EYS: variants seen among roughly 807,000 people sequenced by gnomAD.
EYS encodes protein eyes shut homolog.
EYS carries 250 observed loss-of-function variants against 282.1 expected under a neutral mutation model. The observed-to-expected ratio is 0.89, with a 90% CI of 0.80 to 0.98. The LOEUF (loss-of-function observed/expected upper bound fraction) is 0.98, where lower values mean the gene tolerates loss of function less well. EYS is among the 50% of genes least tolerant of loss of function. The pLI is 0.00. For missense variants in EYS, 4,016 were observed against 3,709.0 expected (o/e 1.08, Z -2.15); for synonymous variants, 1,355 against 1,282.9 (o/e 1.06, Z -1.20).
chr6:63,815,601 A>G (rs1220732852), intron 36 of EYS, among the ~76,000 whole-genome samples: 2 of 152,192 alleles, frequency 1.3e-5, no homozygotes, highest in African/African-American at 4.8e-5. Context: ...ATGTAAACAC[A>G]TATTAACTAC....
intron 13 of EYS, among the ~76,000 whole-genome samples, chr6:65,045,376 A>C (rs1773071459): frequency 1.3e-5 from 2 of 151,844 alleles, no homozygotes; most frequent in African/African-American, 4.8e-5. Context: ...CTATAGTCTG[A>C]ATGCTTGTAA....
intron 29 of EYS, among the ~76,000 whole-genome samples, chr6:64,385,875 G>A (rs930456780): frequency 5.9e-5 from 9 of 152,040 alleles, no homozygotes; most frequent in African/African-American, 2.2e-4. Flanking sequence ...TTCCATCTTT[G>A]GTTCTTGTGA....
At chr6:64,686,773 A>G (rs1424730000) in intron 22 of EYS, among the ~76,000 whole-genome samples, 154 of 8,926 alleles carry the variant, frequency 0.017, 9 homozygotes, top group Non-Finnish European at 0.096. Context: ...GTGTGTATAT[A>G]TATATATATA....
At chr6:65,680,635 A>G (rs1289186402) in intron 1 of EYS, among the ~76,000 whole-genome samples, 3 of 151,994 alleles carry the variant, frequency 2.0e-5, no homozygotes, top group Non-Finnish European at 4.4e-5. Flanking sequence ...AAAGACTGCA[A>G]TTTGTTTAGG....
chr6:65,484,080 T>C (rs1481063115), intron 5 of EYS, among the ~76,000 whole-genome samples: 1 of 152,122 alleles, frequency 6.6e-6, no homozygotes, highest in Non-Finnish European at 1.5e-5. Context: ...TTATACATCT[T>C]TTAAATGTGA....
rs377218629 is a variant in EYS, at chr6:64,133,842, C to CTT, written c.6425-51842_6425-51841dup. 4.6e-3 allele frequency among the ~76,000 whole-genome samples: 681 copies of CTT among 146,862 alleles called. 5 individuals carry two copies. The highest frequency in any genetic ancestry group is 0.016 in the African/African-American group (651 of 40,294). Reference sequence around the variant, plus strand: ...CTATTTTCCTGGATTCCATATCTTTCTTTTTTTTTTTCTTTCTCTTTCCTG... The same window carrying CTT: ...CTATTTTCCTGGATTCCATATCTTTCTTTTTTTTTTTTTCTTTCTCTTTCCTG... On this transcript the variant is annotated intron_variant, in intron 31 of 42. Transcript: ENST00000503581.
At chr6:64,707,535 G>A (rs1461542636) in intron 22 of EYS, among the ~76,000 whole-genome samples, 2 of 152,022 alleles carry the variant, frequency 1.3e-5, no homozygotes, top group African/African-American at 2.4e-5. Flanking sequence ...CGGGCGTGGT[G>A]GCGGGCGCCT....
At chr6:65,048,478 T>C (rs1278050340) in intron 13 of EYS, among the ~76,000 whole-genome samples, 1 of 151,914 alleles carries the variant, frequency 6.6e-6, no homozygotes, top group African/African-American at 2.4e-5. Flanking sequence ...TCATTGTGTG[T>C]TCCTTTCCCG....
chr6:64,699,350 G>A (rs1484082160), intron 22 of EYS, among the ~76,000 whole-genome samples: 2 of 152,026 alleles, frequency 1.3e-5, no homozygotes, highest in Non-Finnish European at 2.9e-5. Flanking sequence ...GCAGACAGTG[G>A]AGCAGAAAAG....
intron 12 of EYS, among the ~76,000 whole-genome samples, chr6:65,153,180 A>T (rs146633496): frequency 6.6e-6 from 1 of 151,930 alleles, no homozygotes; most frequent in Non-Finnish European, 1.5e-5. Context: ...ATTATAAGCC[A>T]CCATATGGGA....
In EYS at chr6:65,383,098, T is replaced by C. The variant is rs562726261; in HGVS notation, c.1299+1288A>G. Among the ~76,000 whole-genome samples the C allele has an allele frequency of 1.0e-3, 154 of 152,192 alleles. 4 individuals are homozygous for C. The South Asian group carries it at 0.03, about 30-fold the overall frequency. ...CTATTTGAAGTCCTTTGACGTTTCA[T>C]ATCAGTTTTATAATCAGCTTACCCA... is the stretch of plus-strand genomic sequence containing the variant. On this transcript the variant is annotated intron_variant, in intron 8 of 42. Coordinates refer to ENST00000503581, the MANE Select transcript of EYS (RefSeq NM_001142800.2).
intron 12 of EYS, among the ~76,000 whole-genome samples, chr6:65,076,775 C>T (rs1191509932): frequency 6.6e-6 from 1 of 151,756 alleles, no homozygotes; most frequent in Non-Finnish European, 1.5e-5. Context: ...CTTCTACTAT[C>T]AGGGATCTGG....
intron 35 of EYS, among the ~76,000 whole-genome samples, chr6:63,885,728 T>C (rs954865098): frequency 2.0e-5 from 3 of 152,174 alleles, no homozygotes; most frequent in African/African-American, 7.2e-5. Context: ...AGTTCCTAGA[T>C]TAGAGATACA....
intron 19 of EYS, among the ~76,000 whole-genome samples, chr6:64,852,661 A>G (rs1562225886): frequency 6.6e-6 from 1 of 152,174 alleles, no homozygotes; most frequent in Non-Finnish European, 1.5e-5. Flanking sequence ...TCATAAGTCC[A>G]TTGACTGATG....
chr6:64,851,882 C>A (rs1177083485), intron 19 of EYS, among the ~76,000 whole-genome samples: 1 of 151,860 alleles, frequency 6.6e-6, no homozygotes, highest in African/African-American at 2.4e-5. Context: ...GTACAAGAAA[C>A]CCCCATGACA....
intron 33 of EYS, among the ~76,000 whole-genome samples, chr6:64,036,076 TAA>T (rs1442966496): frequency 1.3e-5 from 2 of 152,242 alleles, no homozygotes; most frequent in African/African-American, 4.8e-5. Context: ...AGTAATCTTC[TAA>T]GAGATCTTAT....
At chr6:65,087,970 G>T (rs1189196237) in intron 12 of EYS, among the ~76,000 whole-genome samples, 2 of 152,086 alleles carry the variant, frequency 1.3e-5, no homozygotes, top group Non-Finnish European at 2.9e-5. Flanking sequence ...AGTCTTGTGA[G>T]ATCTGATGGT....
intron 26 of EYS, among the ~76,000 whole-genome samples, chr6:64,518,796 G>A (rs9362927): frequency 0.29 from 42,448 of 146,908 alleles, 6,240 homozygotes; most frequent in East Asian, 0.44. Flanking sequence ...CCCTTCTCAG[G>A]GAACTCATTC....
intron 26 of EYS, among the ~76,000 whole-genome samples, chr6:64,444,107 G>A (rs1775043642): frequency 1.3e-5 from 1 of 79,654 alleles, no homozygotes; most frequent in African/African-American, 3.9e-5. Context: ...TGAAATTAGG[G>A]GTAATTTCTG....
Sources: gnomAD v4.1 joint callset for allele counts (sites outside exome capture counted in the v4.1 genomes callset) on GRCh38, gnomAD v4.1.1 for gene constraint, MANE v1.5 for transcripts, NCBI Gene and HGNC (gene_info 2026-07-23, HGNC 2026-07-21) for gene names.